Variants in TMEM200A observed in about 807,000 individuals in gnomAD.
The protein encoded by TMEM200A is two transmembrane C.
TMEM200A carries 12 observed loss-of-function variants against 24.3 expected under a neutral mutation model. The observed-to-expected ratio is 0.49, with a 90% CI of 0.32 to 0.80. The LOEUF is 0.80. Ranked by LOEUF, TMEM200A falls within the 30% of genes least tolerant of loss-of-function variation. The probability of loss-of-function intolerance (pLI) is 0.04; values close to 1 mark genes in which losing one functional copy is unlikely to be tolerated. For missense variants in TMEM200A, 545 were observed against 614.4 expected (o/e 0.89, Z 1.19); for synonymous variants, 224 against 224.4 (o/e 1.00, Z 0.02).
intron 2 of TMEM200A, among the ~76,000 whole-genome samples, chr6:130,416,661 CT>C (rs1024365777): frequency 6.6e-6 from 1 of 152,158 alleles, no homozygotes; most frequent in African/African-American, 2.4e-5. Flanking sequence ...TCCTGAGTTA[CT>C]GTAGGGGCTT....
At chr6:130,400,653 C>T (rs1779063864) in intron 2 of TMEM200A, among the ~76,000 whole-genome samples, 2 of 151,752 alleles carry the variant, frequency 1.3e-5, no homozygotes, top group Non-Finnish European at 2.9e-5. Flanking sequence ...GATTAGTTTT[C>T]TTCACTATAA....
Position 130,366,112 on chromosome 6 carries a change from C to T in TMEM200A, c.-493C>T, listed in dbSNP as rs1216291972. 1.0e-6 allele frequency: 1 copy of T among 985,372 alleles called. No homozygotes were observed. The highest frequency in any genetic ancestry group is 1.7e-5 in the African/African-American group (1 of 57,248). The allele number at this position is 985,372 out of a possible 1,614,324, so 61.0% of individuals were successfully genotyped here. ...GGCGCCGCCTGAGCGGCGACTCCCT[C>T]TCCCCTGCCCGGCTTGCTGCGCCCG... On this transcript the variant is annotated 5_prime_UTR_variant, in exon 1 of 3. Coordinates refer to ENST00000296978, the MANE Select transcript of TMEM200A (RefSeq NM_001258277.2). This position sits in a 1 kb window ranked among gnomAD's most constrained non-coding sequence, Gnocchi z 4.4.
At chr6:130,400,077 TG>T (rs1292525777) in intron 2 of TMEM200A, among the ~76,000 whole-genome samples, 1 of 151,810 alleles carries the variant, frequency 6.6e-6, no homozygotes, top group Non-Finnish European at 1.5e-5. Flanking sequence ...CACATATATA[TG>T]TATATGTACA....
chr6:130,432,766 C>T (rs895589669), intron 2 of TMEM200A, among the ~76,000 whole-genome samples: 1 of 152,166 alleles, frequency 6.6e-6, no homozygotes, highest in Non-Finnish European at 1.5e-5. Context: ...ATATCACTCA[C>T]GTAGACCTTA....
intron 1 of TMEM200A, among the ~76,000 whole-genome samples, chr6:130,375,697 T>C (rs1037880569): frequency 1.3e-5 from 2 of 152,118 alleles, no homozygotes; most frequent in Non-Finnish European, 2.9e-5. Context: ...CCTCACATAT[T>C]TGGGGAGGGG....
intron 2 of TMEM200A, among the ~76,000 whole-genome samples, chr6:130,395,061 A>C (rs183154279): frequency 6.6e-6 from 1 of 152,184 alleles, no homozygotes; most frequent in East Asian, 1.9e-4. Context: ...ACTGTATTGC[A>C]ATGTTTTGAA....
At chr6:130,404,867 ATCT>A (rs959527006) in intron 2 of TMEM200A, among the ~76,000 whole-genome samples, 1 of 152,096 alleles carries the variant, frequency 6.6e-6, no homozygotes, top group Non-Finnish European at 1.5e-5. Context: ...TCCATTTTCA[ATCT>A]TCTGCATATG....
intron 2 of TMEM200A, among the ~76,000 whole-genome samples, chr6:130,400,659 T>C (rs1779064145): frequency 6.6e-6 from 1 of 152,040 alleles, no homozygotes; most frequent in Non-Finnish European, 1.5e-5. Context: ...TTTTCTTCAC[T>C]ATAATTTTGT....
intron 2 of TMEM200A, among the ~76,000 whole-genome samples, chr6:130,396,908 A>G (rs1392968457): frequency 6.6e-6 from 1 of 152,196 alleles, no homozygotes. Context: ...CCTCAGAACC[A>G]GTAGGATGTT....
chr6:130,435,802 G>T (rs1354449653), intron 2 of TMEM200A, among the ~76,000 whole-genome samples: 2 of 152,198 alleles, frequency 1.3e-5, no homozygotes, highest in African/African-American at 2.4e-5. Flanking sequence ...ATAAGTCACG[G>T]CCCTGCCCTG....
chr6:130,407,227 T>C (rs1779226758), intron 2 of TMEM200A, among the ~76,000 whole-genome samples: 1 of 152,188 alleles, frequency 6.6e-6, no homozygotes, highest in Admixed American at 6.5e-5. Context: ...GTATTTTAAG[T>C]ACCATCTGAA....
intron 1 of TMEM200A, among the ~76,000 whole-genome samples, chr6:130,369,116 A>G (rs1240004819): frequency 6.6e-6 from 1 of 152,220 alleles, no homozygotes; most frequent in Non-Finnish European, 1.5e-5. Flanking sequence ...CTGGCCTGGG[A>G]CATCTGACCT....
At chr6:130,370,578 T>C (rs1328775366) in intron 1 of TMEM200A, among the ~76,000 whole-genome samples, 2 of 152,178 alleles carry the variant, frequency 1.3e-5, no homozygotes, top group Non-Finnish European at 2.9e-5. Context: ...AGTTTGCACA[T>C]GGAAGCAACT....
rs1225425078 is a variant in TMEM200A at position 130,441,733 on chromosome 6, A to C, written c.1311A>C (p.Glu437Asp). ...GATATATGAAACTAGAGAACAAAGAAGACCCGATGGATAGGTTGCTTGTGC... is the reference window on the plus strand; with the variant it reads ...GATATATGAAACTAGAGAACAAAGACGACCCGATGGATAGGTTGCTTGTGC... ...SKGYMKLENK[E>D]DPMDRLLVPQ... Residue 437 changes from glutamate (E) to aspartate (D), a missense_variant, in exon 3 of 3, where the codon GAA becomes GAC. Transcript: ENST00000296978. 8.7e-6 allele frequency: 14 copies of C among 1,613,992 alleles called. No homozygotes were observed. The highest frequency in any genetic ancestry group is 1.7e-5 in the Admixed American group (1 of 60,004).
In TMEM200A at chr6:130,442,198, T is replaced by TTTGA. The variant is rs1336880944; in HGVS notation, c.*304_*307dup. On this transcript the variant is annotated 3_prime_UTR_variant, in exon 3 of 3. Transcript: ENST00000296978. ...GCTTATTTTCTTTACTTTTAAGTTC[T>TTTGA]TTGATTGCCCTATTCATAAAATGAA... 3.9e-6 allele frequency: 1 copy of TTTGA among 257,908 alleles called. No individual in the cohort carries two copies. The highest frequency in any genetic ancestry group is 7.9e-6 in the Non-Finnish European group (1 of 126,198). 16.0% of individuals were successfully genotyped at this position (257,908 alleles called of 1,614,324 possible). A position where few individuals can be genotyped will look rare whatever the true frequency, so the allele number is the denominator to read the frequency against.
Position 130,415,238 on chromosome 6 carries a change from A to G in TMEM200A, c.-16-25169A>G, listed in dbSNP as rs186698822. Among the ~76,000 whole-genome samples, 6 of 152,290 alleles carry G rather than the reference A, an allele frequency of 3.9e-5. No individual in the cohort carries two copies. The East Asian group carries it at 1.2e-3, about 29-fold the overall frequency. ...TTAGGGACCATTAGGGGCTGGAAAG[A>G]AGAAAGGTTTGACCTCAAAGAGAGG... On this transcript the variant is annotated intron_variant, in intron 2 of 2. Transcript: ENST00000296978.
intron 2 of TMEM200A, among the ~76,000 whole-genome samples, chr6:130,428,245 G>GT (rs921975547): frequency 2.0e-5 from 3 of 152,060 alleles, no homozygotes; most frequent in African/African-American, 4.8e-5. Context: ...AGATACATGT[G>GT]TTTTTTCAAA....
intron 2 of TMEM200A, among the ~76,000 whole-genome samples, chr6:130,427,266 C>T (rs1040624611): frequency 5.9e-5 from 9 of 152,176 alleles, no homozygotes; most frequent in African/African-American, 1.7e-4. Flanking sequence ...AGTTCTGTTA[C>T]GTGTCACCAA....
Position 130,385,202 on chromosome 6 carries a change from G to A in TMEM200A, c.-51G>A, listed in dbSNP as rs1043967207. The A allele has an allele frequency of 6.6e-6, 1 of 152,200 alleles. No individual in the cohort carries two copies. The highest frequency in any genetic ancestry group is 1.5e-5 in the Non-Finnish European group (1 of 68,038). 9.4% of individuals were successfully genotyped at this position (152,200 alleles called of 1,614,324 possible). A position where few individuals can be genotyped will look rare whatever the true frequency, so the allele number is the denominator to read the frequency against. ...CAGAGCCGCTGAAAACGACTGAAGA[G>A]AGCAAGGGATTTCCTGGGACATCTG... On this transcript the variant is annotated 5_prime_UTR_variant, in exon 2 of 3. Transcript: ENST00000296978.
Sources: allele counts gnomAD v4.1 joint callset (sites outside exome capture counted in the v4.1 genomes callset), GRCh38; gene constraint gnomAD v4.1.1; non-coding constraint Gnocchi (gnomAD v3.1); transcripts MANE v1.5; gene names NCBI Gene and HGNC (gene_info 2026-07-23, HGNC 2026-07-21).